INTS9: variants seen among roughly 807,000 people sequenced by gnomAD.
INTS9 encodes integrator complex subunit 9.
In INTS9, 55 loss-of-function variants were observed where a neutral mutation model predicts 79.7. The ratio of observed to expected loss-of-function variants is 0.69; its 90% confidence interval spans 0.56 to 0.86. The LOEUF is 0.86. INTS9 is among the 40% of genes least tolerant of loss of function. The probability of loss-of-function intolerance (pLI) is 0.00; values close to 1 mark genes in which losing one functional copy is unlikely to be tolerated. For missense variants in INTS9, 721 were observed against 831.5 expected (o/e 0.87, Z 1.64); for synonymous variants, 319 against 325.2 (o/e 0.98, Z 0.20).
In INTS9 at chr8:28,772,180, C is replaced by CAATT. The variant is rs1485119609; in HGVS notation, c.1564-1104_1564-1101dup. Among the ~76,000 whole-genome samples the CAATT allele has an allele frequency of 3.5e-4, 53 of 152,086 alleles. 1 individual carries two copies. The highest frequency in any genetic ancestry group is 9.9e-4 in the African/African-American group (41 of 41,440). On this transcript the variant is annotated intron_variant, in intron 14 of 16. Coordinates refer to ENST00000521022, the MANE Select transcript of INTS9 (RefSeq NM_018250.4). ...CTGGCCATAATGTCCATTTTAAAGGCAATTACTGTAGCAAGTTGGATTGAG... is the reference window on the plus strand; with the variant it reads ...CTGGCCATAATGTCCATTTTAAAGGCAATTAATTACTGTAGCAAGTTGGATTGAG...
rs79675530 is a variant in INTS9 at position 28,825,734 on chromosome 8, T to C, written c.488+9558A>G. ...ACCCTATTGAGTACTAGCAGCGTTC[T>C]GACCAAGCCCTTAGAAGGGAAAGTG... On this transcript the variant is annotated intron_variant, in intron 6 of 16. Transcript: ENST00000521022. Among the ~76,000 whole-genome samples the C allele has an allele frequency of 3.5e-4, 54 of 152,372 alleles. No homozygotes were observed. The East Asian group carries it at 9.6e-3, about 27-fold the overall frequency.
chr8:28,852,920 A>T (rs1807926022), intron 2 of INTS9, among the ~76,000 whole-genome samples: 1 of 152,230 alleles, frequency 6.6e-6, no homozygotes, highest in East Asian at 1.9e-4. Flanking sequence ...AGGGATGCAA[A>T]TACATCACCA....
At chr8:28,840,881 T>C (rs549772648) in intron 4 of INTS9, among the ~76,000 whole-genome samples, 3 of 151,270 alleles carry the variant, frequency 2.0e-5, no homozygotes, top group East Asian at 2.0e-4. Flanking sequence ...GCATGGCACA[T>C]GTATACATAT....
chr8:28,874,274 AT>A (rs1322281560), intron 1 of INTS9, among the ~76,000 whole-genome samples: 1 of 151,624 alleles, frequency 6.6e-6, no homozygotes, highest in Non-Finnish European at 1.5e-5. Context: ...ATGTTTAAAA[AT>A]TCATATTTAA....
At chr8:28,880,430 C>CT (rs1809660623) in intron 1 of INTS9, among the ~76,000 whole-genome samples, 1 of 152,086 alleles carries the variant, frequency 6.6e-6, no homozygotes, top group Non-Finnish European at 1.5e-5. Context: ...GACTGGTTTT[C>CT]GTTTTTTTTT....
intron 13 of INTS9, among the ~76,000 whole-genome samples, chr8:28,777,625 A>G (rs1802966954): frequency 6.7e-6 from 1 of 150,268 alleles, no homozygotes; most frequent in East Asian, 2.0e-4. Context: ...TGATTTCTTT[A>G]GAATGGAAAC....
intron 5 of INTS9, among the ~76,000 whole-genome samples, chr8:28,835,889 A>G (rs1168355710): frequency 6.6e-6 from 1 of 151,838 alleles, no homozygotes; most frequent in East Asian, 1.9e-4. Context: ...GCTCACTACA[A>G]TCTCCGCCTC....
rs1028421945 is a variant in INTS9, at chr8:28,813,777, T to C, written c.489-165A>G. ...TTTCTCTGTTTTTATTTTTACTTTTTTTGAGACAGAGTCTCACTGTGTCAC... is the reference window on the plus strand; with the variant it reads ...TTTCTCTGTTTTTATTTTTACTTTTCTTGAGACAGAGTCTCACTGTGTCAC... On this transcript the variant is annotated intron_variant, in intron 6 of 16. Coordinates refer to ENST00000521022, the MANE Select transcript of INTS9 (RefSeq NM_018250.4). The C allele has an allele frequency of 9.4e-6, 7 of 747,746 alleles. No individual in the cohort carries two copies. In the South Asian group the frequency reaches 1.0e-4, roughly 11 times the overall value. 46.3% of individuals were successfully genotyped at this position (747,746 alleles called of 1,614,324 possible). A position where few individuals can be genotyped will look rare whatever the true frequency, so the allele number is the denominator to read the frequency against.
At chr8:28,864,785 G>A (rs1245091271) in intron 1 of INTS9, among the ~76,000 whole-genome samples, 2 of 152,028 alleles carry the variant, frequency 1.3e-5, no homozygotes, top group East Asian at 3.8e-4. Flanking sequence ...GGTGGCTCAC[G>A]CCTGTAATCC....
intron 1 of INTS9, among the ~76,000 whole-genome samples, chr8:28,881,185 C>T: frequency 6.8e-6 from 1 of 147,138 alleles, no homozygotes; most frequent in Non-Finnish European, 1.5e-5. Context: ...GCGCCTCTGC[C>T]CGGCCGCCCC....
At chr8:28,852,563 C>G (rs1211878229) in intron 2 of INTS9, among the ~76,000 whole-genome samples, 1 of 152,188 alleles carries the variant, frequency 6.6e-6, no homozygotes, top group Non-Finnish European at 1.5e-5. Context: ...TGTTAACTCT[C>G]TAAAACAAGG....
chr8:28,867,346 G>A lies in INTS9; in HGVS notation c.10-7783C>T, dbSNP rs1022233685. ...AGGCAGGAGAATCGCTTGAACCCAG[G>A]AGGCGGAGGTTGCAGTGAATGCAGA... On this transcript the variant is annotated intron_variant, in intron 1 of 16. Coordinates refer to ENST00000521022, the MANE Select transcript of INTS9 (RefSeq NM_018250.4). Among the ~76,000 whole-genome samples the A allele has an allele frequency of 5.3e-5, 8 of 152,196 alleles. No individual in the cohort carries two copies. In the East Asian group the frequency reaches 1.6e-3, roughly 30 times the overall value.
intron 6 of INTS9, among the ~76,000 whole-genome samples, chr8:28,822,013 C>T (rs1013391068): frequency 9.2e-5 from 14 of 152,096 alleles, no homozygotes; most frequent in South Asian, 2.1e-4. Context: ...GCGATCTGCC[C>T]GCCGTGGCCT....
intron 5 of INTS9, among the ~76,000 whole-genome samples, chr8:28,836,191 T>G (rs959151450): frequency 1.3e-5 from 2 of 152,170 alleles, no homozygotes; most frequent in African/African-American, 4.8e-5. Flanking sequence ...GGAAGAATAC[T>G]CCAAGGACAA....
intron 5 of INTS9, 22 bp downstream of exon 5, chr8:28,837,615 G>C: frequency 6.2e-7 from 1 of 1,609,782 alleles, no homozygotes; most frequent in Non-Finnish European, 8.5e-7. Context: ...CATCCTAGCA[G>C]GGTCAGAATC....
At chr8:28,776,856 G>A (rs1467708264) in intron 13 of INTS9, among the ~76,000 whole-genome samples, 1 of 152,144 alleles carries the variant, frequency 6.6e-6, no homozygotes, top group African/African-American at 2.4e-5. Flanking sequence ...GCTGGTTTAG[G>A]GACTGGGATT....
chr8:28,813,555 A>T lies in INTS9; in HGVS notation c.546T>A (p.Tyr182Ter). 1.9e-6 allele frequency: 3 copies of T among 1,613,764 alleles called. No homozygotes were observed. Among genetic ancestry groups the T allele is most frequent in the Non-Finnish European group, 2.5e-6 (3 of 1,179,684 alleles). Residue 182 changes from tyrosine to a stop codon, truncating the protein, a stop_gained, in exon 7 of 17, where the codon TAT becomes TAA. Coordinates refer to ENST00000521022, the MANE Select transcript of INTS9 (RefSeq NM_018250.4). LOFTEE classifies it high-confidence loss of function. ...AVEVSTWRRC[Y>*]TMQEVNSALS... ...GGGCAGAGTTCACCTCTTGCATTGT[A>T]TAGCATCTTCTCCAGGTTGAGACTT...
chr8:28,816,568 G>C (rs1199713039), intron 6 of INTS9, among the ~76,000 whole-genome samples: 1 of 149,652 alleles, frequency 6.7e-6, no homozygotes, highest in African/African-American at 2.5e-5. Context: ...GGACATTTGG[G>C]TTGGTTCCAA....
intron 10 of INTS9, among the ~76,000 whole-genome samples, chr8:28,789,914 C>T (rs1803828399): frequency 6.6e-6 from 1 of 152,100 alleles, no homozygotes; most frequent in Non-Finnish European, 1.5e-5. Flanking sequence ...ACTCCAAACC[C>T]CAACACTCCA....
Sources: gnomAD v4.1 joint callset for allele counts (sites outside exome capture counted in the v4.1 genomes callset) on GRCh38, gnomAD v4.1.1 for gene constraint, MANE v1.5 for transcripts, NCBI Gene and HGNC (gene_info 2026-07-23, HGNC 2026-07-21) for gene names.